The following ATOH8 variants were observed in gnomAD, a reference collection of about 807,000 sequenced individuals.
ATOH8 encodes atonal bHLH transcription factor 8.
Under a neutral mutation model 21.2 loss-of-function variants are expected in ATOH8, and 9 were observed. That is an observed-to-expected ratio of 0.42 (90% CI 0.26 to 0.74). The LOEUF is 0.74. Ranked by LOEUF, ATOH8 falls within the 30% of genes least tolerant of loss-of-function variation. The pLI, the probability that ATOH8 is intolerant of heterozygous loss-of-function variation, is 0.24. For missense variants in ATOH8, 524 were observed against 470.9 expected (o/e 1.11, Z -1.04); for synonymous variants, 253 against 224.0 (o/e 1.13, Z -1.16).
chr2:85,781,150 T>A, intron 2 of ATOH8: 1 of 908,840 alleles, frequency 1.1e-6, no homozygotes, highest in Non-Finnish European at 1.3e-6. Flanking sequence ...AATTCCACTT[T>A]TCGTAAAATA....
intron 2 of ATOH8, among the ~76,000 whole-genome samples, chr2:85,782,456 A>AT (rs35152195): frequency 5.9e-4 from 89 of 150,434 alleles, no homozygotes; most frequent in African/African-American, 1.4e-3. Flanking sequence ...AACAATTAGA[A>AT]TTTTTTTTTT....
rs1166889598 is a variant in ATOH8 at position 85,789,573 on chromosome 2, C to T, written c.*2683C>T. On this transcript the variant is annotated 3_prime_UTR_variant, in exon 3 of 3. Coordinates refer to ENST00000306279, the MANE Select transcript of ATOH8 (RefSeq NM_032827.7). The stretch of plus-strand genomic sequence containing the variant: ...GCTTTCTATGCAGAGGAGCACTCAG[C>T]GCTGGCAGGAAATTGGAATCACCCA... Among the ~76,000 whole-genome samples, 2 of 152,080 alleles carry T rather than the reference C, an allele frequency of 1.3e-5. No individual in the cohort carries two copies. The highest frequency in any genetic ancestry group is 4.8e-5 in the African/African-American group (2 of 41,408).
rs35120971 is a variant in ATOH8, at chr2:85,789,969, C to CCA, written c.*3089_*3090dup. Among the ~76,000 whole-genome samples the CCA allele has an allele frequency of 6.6e-6, 1 of 151,860 alleles. No individual in the cohort carries two copies. Among genetic ancestry groups the CCA allele is most frequent in the South Asian group, 2.1e-4 (1 of 4,826 alleles). Reference sequence around the variant, plus strand: ...CTCTCTCTCATGGGCACATGCATACCCACACACACACTCGTGTACATTTCC... The same window carrying CCA: ...CTCTCTCTCATGGGCACATGCATACCCACACACACACACTCGTGTACATTTCC... On this transcript the variant is annotated 3_prime_UTR_variant, in exon 3 of 3. Transcript: ENST00000306279.
At chr2:85,769,407 C>CCCGGGTG (rs1680117802) in intron 2 of ATOH8, among the ~76,000 whole-genome samples, 1 of 152,176 alleles carries the variant, frequency 6.6e-6, no homozygotes, top group Non-Finnish European at 1.5e-5. Context: ...TGCCTGCAGC[C>CCCGGGTG]GTGTGCCAGT....
intron 2 of ATOH8, among the ~76,000 whole-genome samples, chr2:85,769,785 C>T (rs943872193): frequency 6.6e-6 from 1 of 152,088 alleles, no homozygotes; most frequent in Non-Finnish European, 1.5e-5. Flanking sequence ...CTGTGGGAGG[C>T]GGAGTCTCCA....
chr2:85,772,429 C>T (rs1234075288), intron 2 of ATOH8, among the ~76,000 whole-genome samples: 1 of 152,206 alleles, frequency 6.6e-6, no homozygotes, highest in African/African-American at 2.4e-5. Flanking sequence ...CCTGGCAGCC[C>T]CAGACTCCAG....
At chr2:85,774,647 CT>C in intron 2 of ATOH8, 6 of 985,496 alleles carry the variant, frequency 6.1e-6, no homozygotes, top group Non-Finnish European at 7.2e-6. Context: ...GTCAGACTGC[CT>C]CACTCCATCC....
At chr2:85,780,911 C>G (rs1680466744) in intron 2 of ATOH8, 23 of 986,288 alleles carry the variant, frequency 2.3e-5, no homozygotes, top group Non-Finnish European at 2.8e-5. Context: ...CCATGGCACC[C>G]AGGCCAGGCA....
chr2:85,772,787 T>C (rs539865077), intron 2 of ATOH8: 1 of 456,666 alleles, frequency 2.2e-6, no homozygotes, highest in Non-Finnish European at 4.4e-6. Context: ...CGCTGTTTTC[T>C]CTTGACTTTT....
At position 85,754,973 on chromosome 2, in the gene ATOH8, C is replaced by T. The variant is rs768685045; in HGVS notation, c.768+16C>T. The T allele has an allele frequency of 1.3e-6, 2 of 1,576,532 alleles. No homozygotes were observed. The highest frequency in any genetic ancestry group is 8.6e-7 in the Non-Finnish European group (1 of 1,167,534). ...CAGGAAGCAGGTACCCGCTCGCCGCCGCACGCCCTCACTGCGCCGGGGGAC... is the reference window on the plus strand; with the variant it reads ...CAGGAAGCAGGTACCCGCTCGCCGCTGCACGCCCTCACTGCGCCGGGGGAC... On this transcript the variant is annotated intron_variant, in intron 1 of 2. Coordinates refer to ENST00000306279, the MANE Select transcript of ATOH8 (RefSeq NM_032827.7).
rs535881836 is a variant in ATOH8 at position 85,754,903 on chromosome 2, G to A, written c.714G>A (p.Arg238=). Reference sequence around the variant, plus strand: ...CCCGGAGGCTCCTGGCGAACGCCAGGGAGCGGACGCGGGTGCACACCATCA... The same window carrying A: ...CCCGGAGGCTCCTGGCGAACGCCAGAGAGCGGACGCGGGTGCACACCATCA... ...QQTRRLLANA[R]ERTRVHTISA... The change falls in exon 1 of 3, where the codon AGG becomes AGA. Residue 238 remains arginine, a synonymous_variant. Coordinates refer to ENST00000306279, the MANE Select transcript of ATOH8 (RefSeq NM_032827.7). 9.3e-6 allele frequency: 15 copies of A among 1,610,074 alleles called. No individual in the cohort carries two copies. The African/African-American group carries it at 9.3e-5, about 10-fold the overall frequency.
At position 85,758,468 on chromosome 2, in the gene ATOH8, G is replaced by A. The variant is rs541693899; in HGVS notation, c.768+3511G>A. Among the ~76,000 whole-genome samples the A allele has an allele frequency of 2.0e-5, 3 of 152,222 alleles. No individual in the cohort carries two copies. In the South Asian group the frequency reaches 6.2e-4, roughly 31 times the overall value. ...ATGTACAGTGGCAGCCTGCGTAGCT[G>A]TGTGCCGCTGTTGCTGCGGAGCTTG... On this transcript the variant is annotated intron_variant, in intron 1 of 2. Transcript: ENST00000306279.
intron 2 of ATOH8, chr2:85,772,722 T>C (rs201370234): frequency 2.6e-5 from 12 of 456,862 alleles, no homozygotes; most frequent in Non-Finnish European, 5.3e-5. Context: ...CGCTTATGAA[T>C]AACAGGACTG....
chr2:85,755,270 C>T (rs983480746), intron 1 of ATOH8, among the ~76,000 whole-genome samples: 1 of 152,152 alleles, frequency 6.6e-6, no homozygotes. Flanking sequence ...TGCCGGAGTC[C>T]CCTGGGCGCG....
Position 85,754,160 on chromosome 2 carries a change from C to CA in ATOH8, c.-29dup. 1 of 1,491,564 alleles carries CA rather than the reference C, an allele frequency of 6.7e-7. No individual in the cohort carries two copies. Among genetic ancestry groups the CA allele is most frequent in the Admixed American group, 2.5e-5 (1 of 39,564 alleles). The allele number at this position is 1,491,564 out of a possible 1,614,324, so 92.4% of individuals were successfully genotyped here. A position where few individuals can be genotyped will look rare whatever the true frequency, so the allele number is the denominator to read the frequency against. ...AGCGCGGCGGCGGCCCGGGCAGCCC[C>CA]ACGCCCCTGCCTCGCGCGCCGCCCG... On this transcript the variant is annotated 5_prime_UTR_variant, in exon 1 of 3. Coordinates refer to ENST00000306279, the MANE Select transcript of ATOH8 (RefSeq NM_032827.7).
intron 2 of ATOH8, 58 bp downstream of exon 2, chr2:85,764,240 G>T: frequency 6.3e-7 from 1 of 1,594,450 alleles, no homozygotes; most frequent in Non-Finnish European, 8.6e-7. Context: ...GCAGGGACAG[G>T]AACTTGGGGG....
intron 1 of ATOH8, among the ~76,000 whole-genome samples, chr2:85,758,519 C>G (rs1321528407): frequency 6.6e-6 from 1 of 152,246 alleles, no homozygotes; most frequent in Non-Finnish European, 1.5e-5. Context: ...GCCCAGACTC[C>G]TAACAGCTCT....
chr2:85,772,739 G>A (rs921801686), intron 2 of ATOH8: 3 of 456,910 alleles, frequency 6.6e-6, no homozygotes, highest in Admixed American at 2.4e-5. Context: ...ACTGGACGCC[G>A]TAAAAGTTGG....
At chr2:85,774,202 C>T in intron 2 of ATOH8, 1 of 985,510 alleles carries the variant, frequency 1.0e-6, no homozygotes. Context: ...GAAGAGGAAC[C>T]ACTGTCCCCA....
Sources: gnomAD v4.1 joint callset for allele counts (sites outside exome capture counted in the v4.1 genomes callset) on GRCh38, gnomAD v4.1.1 for gene constraint, MANE v1.5 for transcripts, NCBI Gene and HGNC (gene_info 2026-07-23, HGNC 2026-07-21) for gene names.